FREM1: variants seen among roughly 807,000 people sequenced by gnomAD.
FREM1 encodes the protein FRAS1-related extracellular matrix protein 1.
A neutral mutation model predicts 210.1 loss-of-function variants in FREM1; 220 were observed. The ratio of observed to expected loss-of-function variants is 1.05; its 90% CI spans 0.94 to 1.17. The LOEUF (loss-of-function observed/expected upper bound fraction) is 1.17. FREM1 is among the 50% of genes most tolerant of loss of function. The pLI is 0.00. For synonymous variants in FREM1, 1,189 were observed against 980.2 expected (o/e 1.21, Z -3.98); for missense variants, 3,454 against 2,675.5 (o/e 1.29, Z -6.42).
At position 14,869,370 on chromosome 9, in the gene FREM1, CAAAT is replaced by C. The variant is rs1217395010; in HGVS notation, c.-267-130_-267-127del. 7 of 173,288 alleles carry C rather than the reference CAAAT, an allele frequency of 4.0e-5. No individual in the cohort carries two copies. The East Asian group carries it at 1.0e-3, about 25-fold the overall frequency. The allele number at this position is 173,288 out of a possible 1,614,324, so 10.7% of individuals were successfully genotyped here. A position where few individuals can be genotyped will look rare whatever the true frequency, so the allele number is the denominator to read the frequency against. On this transcript the variant is annotated intron_variant, in intron 1 of 36. Transcript: ENST00000380880. ...CCTATGAGTTCAGCTAAATTAAAAA[CAAAT>C]AAACTAACTTGACCTCTAGACCCAT...
chr9:14,807,701 C>CT (rs1818645013), intron 17 of FREM1, among the ~76,000 whole-genome samples: 1 of 149,232 alleles, frequency 6.7e-6, no homozygotes, highest in Non-Finnish European at 1.5e-5. Context: ...ACACACACCC[C>CT]AACACACGTA....
rs141518279 is a variant in FREM1, at chr9:14,883,129, G to A, written c.-267-13885C>T. Reference sequence around the variant, plus strand: ...TGAAGGTGGCAAGGTGGCAAAATTAGGTTCAATAAATGTCAAATAGAGTCT... The same window carrying A: ...TGAAGGTGGCAAGGTGGCAAAATTAAGTTCAATAAATGTCAAATAGAGTCT... On this transcript the variant is annotated intron_variant, in intron 1 of 36. Coordinates refer to ENST00000380880, the MANE Select transcript of FREM1 (RefSeq NM_001379081.2). Among the ~76,000 whole-genome samples the A allele has an allele frequency of 3.2e-3, 480 of 152,014 alleles. 5 individuals carry two copies. The highest frequency in any genetic ancestry group is 0.011 in the African/African-American group (436 of 41,448).
In FREM1 at chr9:14,857,759, A is replaced by G. The variant is rs1287225375; in HGVS notation, c.632-10T>C. 3.8e-6 allele frequency: 6 copies of G among 1,576,192 alleles called. No homozygotes were observed. Among genetic ancestry groups the G allele is most frequent in the Middle Eastern group, 3.4e-4 (2 of 5,832 alleles). ...AGTTTTGCTCTCAGTTCTAGAATGT[A>G]CAGCACTGGATTAAGAGAGTCACTT... On this transcript the variant is annotated splice_polypyrimidine_tract_variant and intron_variant, in intron 4 of 36. Coordinates refer to ENST00000380880, the MANE Select transcript of FREM1 (RefSeq NM_001379081.2).
intron 21 of FREM1, among the ~76,000 whole-genome samples, chr9:14,796,465 A>C (rs1047299780): frequency 2.0e-5 from 3 of 152,186 alleles, no homozygotes; most frequent in African/African-American, 7.2e-5. Flanking sequence ...GGGGCTATAG[A>C]AATAGAACTA....
chr9:14,851,069 C>T (rs867243206), intron 6 of FREM1, among the ~76,000 whole-genome samples: 16 of 152,278 alleles, frequency 1.1e-4, no homozygotes, highest in Middle Eastern at 6.8e-3. Flanking sequence ...GGGGATGGCT[C>T]TTTCTTCAGT....
intron 1 of FREM1, among the ~76,000 whole-genome samples, chr9:14,896,407 G>A (rs1255423124): frequency 6.6e-6 from 1 of 152,026 alleles, no homozygotes; most frequent in African/African-American, 2.4e-5. Flanking sequence ...AGCTGGGAGT[G>A]GTGGTGTGCA....
intron 1 of FREM1, among the ~76,000 whole-genome samples, chr9:14,896,373 A>G (rs1588645233): frequency 6.6e-6 from 1 of 151,966 alleles, no homozygotes; most frequent in African/African-American, 2.4e-5. Context: ...GTGAAACTCC[A>G]TCTCTACTAA....
chr9:14,807,371 C>G (rs1032279598), intron 17 of FREM1, among the ~76,000 whole-genome samples: 2 of 152,106 alleles, frequency 1.3e-5, no homozygotes, highest in African/African-American at 4.8e-5. Context: ...ATAATGCTTT[C>G]TTTCCAGAAC....
intron 36 of FREM1, 42 bp from the exon 37 acceptor site, chr9:14,737,637 T>C (rs757203878): frequency 3.7e-5 from 52 of 1,393,806 alleles, no homozygotes; most frequent in Non-Finnish European, 4.6e-5. Context: ...TTTTATTGCG[T>C]TTATACTTAG....
intron 5 of FREM1, among the ~76,000 whole-genome samples, chr9:14,856,211 T>C (rs1588395402): frequency 6.6e-6 from 1 of 152,328 alleles, no homozygotes; most frequent in South Asian, 2.1e-4. Flanking sequence ...AAACCCACTT[T>C]AAGTTGAAGA....
At position 14,868,935 on chromosome 9, in the gene FREM1, G is replaced by A. The variant is rs1832073661; in HGVS notation, c.43C>T (p.Leu15=). The A allele has an allele frequency of 1.2e-6, 2 of 1,600,124 alleles. No individual in the cohort carries two copies. Among genetic ancestry groups the A allele is most frequent in the African/African-American group, 1.3e-5 (1 of 74,662 alleles). ...SWGAANAVLL[L]LLLAWASPTF... is the part of the protein sequence containing the mutation. ...GGGCTGGCCCAGGCCAGGAGGAGCA[G>A]CAGCAGCACGGCATTCGCAGCCCCC... Residue 15 remains leucine (L), a synonymous_variant, in exon 2 of 37, where the codon CTG becomes TTG. Transcript: ENST00000380880.
chr9:14,740,830 C>G (rs939305918), intron 35 of FREM1, among the ~76,000 whole-genome samples: 1 of 152,036 alleles, frequency 6.6e-6, no homozygotes, highest in Non-Finnish European at 1.5e-5. Context: ...ATATTTTTCA[C>G]AAAACAGAAT....
chr9:14,792,328 C>G (rs1851570083), intron 22 of FREM1, among the ~76,000 whole-genome samples: 1 of 138,294 alleles, frequency 7.2e-6, no homozygotes, highest in Admixed American at 7.4e-5. Context: ...ATTGAGAGAA[C>G]AAGAAAGACT....
At chr9:14,877,467 T>G (rs1327644439) in intron 1 of FREM1, among the ~76,000 whole-genome samples, 2 of 148,296 alleles carry the variant, frequency 1.3e-5, no homozygotes, top group African/African-American at 5.2e-5. Flanking sequence ...AGATCTTAGG[T>G]GACCCCCCAA....
chr9:14,786,512 G>C (rs1850447917), intron 23 of FREM1, among the ~76,000 whole-genome samples: 1 of 152,142 alleles, frequency 6.6e-6, no homozygotes, highest in South Asian at 2.1e-4. Flanking sequence ...TCAACGACAG[G>C]CAATTTTGCT....
rs1235810046 is a variant in FREM1 at position 14,863,871 on chromosome 9, G to A, written c.267C>T (p.Val89=). 1.2e-6 allele frequency: 2 copies of A among 1,612,824 alleles called. No individual in the cohort carries two copies. The highest frequency in any genetic ancestry group is 1.1e-5 in the South Asian group (1 of 91,014). Residue 89 remains valine (V), a synonymous_variant, in exon 3 of 37, where the codon GTC becomes GTT. Transcript: ENST00000380880. ...VFDCHFLPNE[V]KYVHNGCPIL... ...TTGGACAACCATTGTGAACATACTTGACTTCGTTGGGAAGGAAATGGCAGT... is the reference window on the plus strand; with the variant it reads ...TTGGACAACCATTGTGAACATACTTAACTTCGTTGGGAAGGAAATGGCAGT...
chr9:14,829,994 A>C (rs1457826598), intron 10 of FREM1, among the ~76,000 whole-genome samples: 2 of 152,200 alleles, frequency 1.3e-5, no homozygotes. Context: ...AGTGGAAGGG[A>C]GAAATGAAAC....
rs1479553189 is a variant in FREM1 at position 14,823,347 on chromosome 9, G to A, written c.2170-20C>T. On this transcript the variant is annotated intron_variant, in intron 12 of 36. Transcript: ENST00000380880. Reference sequence around the variant, plus strand: ...AGCATGCTGCAAAGTAAGTTGAGATGGATATGTGGGTGCTGACTTGCAAGG... The same window carrying A: ...AGCATGCTGCAAAGTAAGTTGAGATAGATATGTGGGTGCTGACTTGCAAGG... 6.2e-7 allele frequency: 1 copy of A among 1,603,860 alleles called. No homozygotes were observed. Among genetic ancestry groups the A allele is most frequent in the Non-Finnish European group, 8.5e-7 (1 of 1,173,968 alleles).
At chr9:14,814,228 C>T (rs763151024) in intron 15 of FREM1, among the ~76,000 whole-genome samples, 2 of 152,164 alleles carry the variant, frequency 1.3e-5, no homozygotes, top group Non-Finnish European at 2.9e-5. Context: ...ATCCTATTTA[C>T]GTATAGAACC....
Sources: allele counts gnomAD v4.1 joint callset (sites outside exome capture counted in the v4.1 genomes callset), GRCh38; gene constraint gnomAD v4.1.1; transcripts MANE v1.5; gene names NCBI Gene and HGNC (gene_info 2026-07-23, HGNC 2026-07-21).